The following DACH1 variants were observed in gnomAD, a reference collection of about 807,000 sequenced individuals.
DACH1 encodes dachshund family transcription factor 1, also known as dachshund homolog 1.
DACH1 carries 12 observed loss-of-function variants against 54.2 expected under a neutral mutation model. That is an observed-to-expected ratio of 0.22 (90% CI 0.14 to 0.36). DACH1 has a LOEUF of 0.36. DACH1 is among the 10% of genes least tolerant of loss of function. DACH1 has a pLI of 1.00. For synonymous variants in DACH1, 386 were observed against 366.2 expected (o/e 1.05, Z -0.62); for missense variants, 805 against 929.8 (o/e 0.87, Z 1.75).
intron 6 of DACH1, among the ~76,000 whole-genome samples, chr13:71,505,911 A>T (rs1410722525): frequency 6.6e-6 from 1 of 152,122 alleles, no homozygotes; most frequent in African/African-American, 2.4e-5. Flanking sequence ...CTAAAAATTT[A>T]AAAATAATTA....
intron 3 of DACH1, among the ~76,000 whole-genome samples, chr13:71,628,734 G>T (rs1336063765): frequency 5.9e-5 from 9 of 152,044 alleles, no homozygotes; most frequent in Admixed American, 3.3e-4. Flanking sequence ...CTACAATTTG[G>T]TTAGTAGGCA....
chr13:71,618,781 T>C (rs911526661), intron 3 of DACH1, among the ~76,000 whole-genome samples: 4 of 151,868 alleles, frequency 2.6e-5, no homozygotes, highest in African/African-American at 7.2e-5. Context: ...TACAGGTCAA[T>C]GGGTTAAAAT....
At chr13:71,482,171 A>G (rs549830788) in intron 7 of DACH1, among the ~76,000 whole-genome samples, 6 of 152,246 alleles carry the variant, frequency 3.9e-5, no homozygotes, top group Admixed American at 2.0e-4. Context: ...TACTACATAA[A>G]TGTCATTGTT....
intron 10 of DACH1, among the ~76,000 whole-genome samples, chr13:71,450,994 T>C (rs565908833): frequency 6.6e-6 from 1 of 152,194 alleles, no homozygotes; most frequent in East Asian, 1.9e-4. Flanking sequence ...AACTGAATGT[T>C]CTTAAAACTG....
intron 6 of DACH1, among the ~76,000 whole-genome samples, chr13:71,549,106 G>GA (rs910698871): frequency 9.4e-5 from 14 of 149,218 alleles, no homozygotes; most frequent in Non-Finnish European, 1.2e-4. Flanking sequence ...TAAATTGCAG[G>GA]AAAAAAAAAC....
chr13:71,487,594 A>C (rs950683278), intron 7 of DACH1, among the ~76,000 whole-genome samples: 1 of 152,176 alleles, frequency 6.6e-6, no homozygotes, highest in Non-Finnish European at 1.5e-5. Flanking sequence ...TGCTCTTCAG[A>C]TGAGCATGCT....
intron 6 of DACH1, among the ~76,000 whole-genome samples, chr13:71,529,112 T>C (rs745525930): frequency 2.0e-5 from 3 of 151,712 alleles, no homozygotes; most frequent in Non-Finnish European, 2.9e-5. Context: ...GCACTTCTTA[T>C]GTGCCAGAAG....
intron 1 of DACH1, among the ~76,000 whole-genome samples, chr13:71,855,346 A>G (rs1370969224): frequency 1.3e-5 from 2 of 152,056 alleles, no homozygotes; most frequent in African/African-American, 4.8e-5. Flanking sequence ...CTTACCATCT[A>G]TAAGATGTTT....
chr13:71,587,018 G>T (rs1174781324), intron 3 of DACH1, among the ~76,000 whole-genome samples: 1 of 151,992 alleles, frequency 6.6e-6, no homozygotes, highest in Non-Finnish European at 1.5e-5. Context: ...TTTCAAGCAG[G>T]TCGCTACACA....
intron 6 of DACH1, among the ~76,000 whole-genome samples, chr13:71,531,170 A>G (rs1404141304): frequency 6.6e-6 from 1 of 152,142 alleles, no homozygotes; most frequent in East Asian, 1.9e-4. Context: ...TTAGGAGGAG[A>G]GTATTCCTCT....
intron 1 of DACH1, among the ~76,000 whole-genome samples, chr13:71,839,358 A>G (rs1346784478): frequency 6.6e-6 from 1 of 152,228 alleles, no homozygotes; most frequent in Non-Finnish European, 1.5e-5. Context: ...CTGTAATCCC[A>G]GCACTTTGGG....
rs372281203 is a variant in DACH1 at position 71,571,050 on chromosome 13, C to A, written c.1299+1790G>T. On this transcript the variant is annotated intron_variant, in intron 4 of 10. Coordinates refer to ENST00000613252, the MANE Select transcript of DACH1 (RefSeq NM_080759.6). ...TTAGCTACAGGCCATAATTTAGACACCCATTATGACTTTAAACTGCTAAAA... is the reference window on the plus strand; with the variant it reads ...TTAGCTACAGGCCATAATTTAGACAACCATTATGACTTTAAACTGCTAAAA... Among the ~76,000 whole-genome samples the A allele has an allele frequency of 4.4e-4, 67 of 152,222 alleles. No individual in the cohort carries two copies. In the East Asian group the frequency reaches 8.7e-3, roughly 20 times the overall value.
At chr13:71,462,859 AATCT>A (rs1478996264) in intron 10 of DACH1, among the ~76,000 whole-genome samples, 3 of 141,690 alleles carry the variant, frequency 2.1e-5, no homozygotes, top group Non-Finnish European at 4.6e-5. Context: ...CCAGGTCTAG[AATCT>A]ATCTATCTAC....
At position 71,866,872 on chromosome 13, in the gene DACH1, G is replaced by A; in HGVS notation, c.-103C>T. 2.6e-6 allele frequency: 2 copies of A among 755,540 alleles called. No individual in the cohort carries two copies. The highest frequency in any genetic ancestry group is 3.4e-6 in the Non-Finnish European group (2 of 584,936). The allele number at this position is 755,540 out of a possible 1,614,324, so 46.8% of individuals were successfully genotyped here. On this transcript the variant is annotated 5_prime_UTR_variant, in exon 1 of 11. Coordinates refer to ENST00000613252, the MANE Select transcript of DACH1 (RefSeq NM_080759.6). ...AAAAGGGGGGAGAAGGAGCGAGGGG[G>A]GCAACAACAACTCCGGGAGAGAACG... is the stretch of plus-strand genomic sequence containing the variant.
chr13:71,651,160 T>G (rs1878635832), intron 2 of DACH1, among the ~76,000 whole-genome samples: 1 of 152,012 alleles, frequency 6.6e-6, no homozygotes, highest in Non-Finnish European at 1.5e-5. Flanking sequence ...ACATGGCTGC[T>G]CAAATATTTG....
Position 71,464,813 on chromosome 13 carries a change from T to C in DACH1, c.2083+10328A>G, listed in dbSNP as rs956245927. ...GAGCACACAGAAATCTGTAAAGATATTCTCAAGACTATGTTTAGTATCAAG... is the reference window on the plus strand; with the variant it reads ...GAGCACACAGAAATCTGTAAAGATACTCTCAAGACTATGTTTAGTATCAAG... On this transcript the variant is annotated intron_variant, in intron 10 of 10. Coordinates refer to ENST00000613252, the MANE Select transcript of DACH1 (RefSeq NM_080759.6). 4 of 428,038 alleles carry C rather than the reference T, an allele frequency of 9.3e-6. No individual in the cohort carries two copies. In the East Asian group the frequency reaches 2.8e-4, roughly 30 times the overall value. 26.5% of individuals were successfully genotyped at this position (428,038 alleles called of 1,614,324 possible). A position where few individuals can be genotyped will look rare whatever the true frequency, so the allele number is the denominator to read the frequency against.
At chr13:71,800,997 G>A (rs995638996) in intron 1 of DACH1, among the ~76,000 whole-genome samples, 1 of 152,062 alleles carries the variant, frequency 6.6e-6, no homozygotes, top group African/African-American at 2.4e-5. Flanking sequence ...TAGCAACTAT[G>A]TATTTTAAAG....
intron 6 of DACH1, among the ~76,000 whole-genome samples, chr13:71,503,719 CAG>C (rs1224273014): frequency 2.6e-5 from 4 of 152,176 alleles, no homozygotes; most frequent in Admixed American, 2.6e-4. Flanking sequence ...TTTGCCACGG[CAG>C]AGTGTCCAAG....
At chr13:71,643,873 G>C (rs1252766498) in intron 2 of DACH1, among the ~76,000 whole-genome samples, 1 of 151,960 alleles carries the variant, frequency 6.6e-6, no homozygotes, top group African/African-American at 2.4e-5. Flanking sequence ...AAGACAAAGA[G>C]AGATTGTCTT....
Sources: gnomAD v4.1 joint callset for allele counts (sites outside exome capture counted in the v4.1 genomes callset) on GRCh38, gnomAD v4.1.1 for gene constraint, MANE v1.5 for transcripts, NCBI Gene and HGNC (gene_info 2026-07-23, HGNC 2026-07-21) for gene names.